Variants in CLVS1 observed in about 807,000 individuals in gnomAD.
The protein encoded by CLVS1 is clavesin 1, also known as clavesin-1.
Under a neutral mutation model 33.1 loss-of-function variants are expected in CLVS1, and 10 were observed. That is an observed-to-expected ratio of 0.30 (90% confidence interval 0.19 to 0.51). The LOEUF (loss-of-function observed/expected upper bound fraction) is 0.51, where lower values mean the gene tolerates loss of function less well. Among genes scored for constraint, CLVS1 ranks in the 20% least tolerant of loss-of-function variants. The pLI, the probability that CLVS1 is intolerant of heterozygous loss-of-function variation, is 0.97. For missense variants in CLVS1, 343 were observed against 433.4 expected (o/e 0.79, Z 1.85); for synonymous variants, 163 against 166.1 (o/e 0.98, Z 0.14).
chr8:61,472,554 T>C (rs1014690584), intron 5 of CLVS1, among the ~76,000 whole-genome samples: 8 of 152,224 alleles, frequency 5.3e-5, no homozygotes, highest in East Asian at 1.9e-4. Context: ...CAATGTTTCA[T>C]TAGAATTTGA....
Position 61,499,718 on chromosome 8 carries a change from C to CAA in CLVS1, c.*178_*179dup, listed in dbSNP as rs1804496195. 8 of 438,750 alleles carry CAA rather than the reference C, an allele frequency of 1.8e-5. No individual in the cohort carries two copies. The South Asian group carries it at 4.7e-4, about 26-fold the overall frequency. 27.2% of individuals were successfully genotyped at this position (438,750 alleles called of 1,614,324 possible). A position where few individuals can be genotyped will look rare whatever the true frequency, so the allele number is the denominator to read the frequency against. On this transcript the variant is annotated 3_prime_UTR_variant, in exon 6 of 6. Transcript: ENST00000325897. Reference sequence around the variant, plus strand: ...ATCGGTCTGAGCAGCCAAAGTTGGACAAAGACTTGAGAGATGCTTTTTTTT... The same window carrying CAA: ...ATCGGTCTGAGCAGCCAAAGTTGGACAAAAAGACTTGAGAGATGCTTTTTTTT...
intron 2 of CLVS1, chr8:61,202,785 C>T (rs1036691478): frequency 1.2e-5 from 18 of 1,485,762 alleles, no homozygotes; most frequent in Admixed American, 1.0e-4. Context: ...GATCTGCCCT[C>T]GGAGGTAGTA....
At chr8:61,461,703 T>C (rs1264979132) in intron 5 of CLVS1, among the ~76,000 whole-genome samples, 1 of 152,208 alleles carries the variant, frequency 6.6e-6, no homozygotes. Context: ...GTCTTTGGTA[T>C]ACCTCCTTCA....
chr8:61,036,840 T>C, the CLVS1 span, among the ~76,000 whole-genome samples: 1 of 152,238 alleles, frequency 6.6e-6, no homozygotes, highest in African/African-American at 2.4e-5. Flanking sequence ...AAGTACAAGA[T>C]ACAAGAATTT....
the CLVS1 span, among the ~76,000 whole-genome samples, chr8:60,974,786 A>G: frequency 6.6e-6 from 1 of 152,178 alleles, no homozygotes; most frequent in Non-Finnish European, 1.5e-5. Context: ...CTCAAAAAAA[A>G]AAAAAAAGAA....
intron 1 of CLVS1, among the ~76,000 whole-genome samples, chr8:61,087,854 A>G (rs1465535232): frequency 1.3e-5 from 2 of 152,148 alleles, no homozygotes. Flanking sequence ...TATTTAATAA[A>G]CCCCATGAAT....
chr8:61,181,720 G>T (rs13257974), intron 2 of CLVS1, among the ~76,000 whole-genome samples: 65,849 of 121,202 alleles, frequency 0.54, 18,121 homozygotes, highest in Middle Eastern at 0.75. Context: ...TTTTTTTTGA[G>T]ATGGAGTCTC....
At chr8:61,425,059 T>C (rs899819570) in intron 3 of CLVS1, among the ~76,000 whole-genome samples, 1 of 152,158 alleles carries the variant, frequency 6.6e-6, no homozygotes, top group Non-Finnish European at 1.5e-5. Flanking sequence ...AGATTTGAAA[T>C]CTGCAACACT....
intron 5 of CLVS1, among the ~76,000 whole-genome samples, chr8:61,462,292 GT>G (rs957214537): frequency 6.6e-6 from 1 of 152,188 alleles, no homozygotes; most frequent in Non-Finnish European, 1.5e-5. Context: ...TTTCCAAGAA[GT>G]TTTCAATTTA....
At chr8:60,976,195 G>T in the CLVS1 span, among the ~76,000 whole-genome samples, 1 of 151,904 alleles carries the variant, frequency 6.6e-6, no homozygotes, top group East Asian at 1.9e-4. Context: ...GAATATCTGT[G>T]ACTTAAAGAT....
At chr8:61,406,868 C>T (rs556525891) in intron 3 of CLVS1, among the ~76,000 whole-genome samples, 2 of 152,302 alleles carry the variant, frequency 1.3e-5, no homozygotes, top group East Asian at 1.9e-4. Flanking sequence ...CTCAACCTCC[C>T]AAAGTGCTGG....
At chr8:61,393,982 C>G (rs1186108942) in intron 3 of CLVS1, among the ~76,000 whole-genome samples, 1 of 152,218 alleles carries the variant, frequency 6.6e-6, no homozygotes, top group African/African-American at 2.4e-5. Context: ...TGCATTCCCA[C>G]TGGTACCTCA....
At chr8:61,378,423 A>T (rs1340439442) in intron 3 of CLVS1, 1 of 152,204 alleles carries the variant, frequency 6.6e-6, no homozygotes, top group East Asian at 1.9e-4. Flanking sequence ...TTAAAAGGTA[A>T]TGCTATATAT....
chr8:61,456,199 CCTT>C (rs972444027), intron 4 of CLVS1, among the ~76,000 whole-genome samples: 4 of 152,162 alleles, frequency 2.6e-5, no homozygotes, highest in South Asian at 2.1e-4. Flanking sequence ...CCAGCCTCCT[CCTT>C]CTGCATTCCT....
At chr8:61,330,099 C>T (rs1811537323) in intron 2 of CLVS1, among the ~76,000 whole-genome samples, 1 of 152,116 alleles carries the variant, frequency 6.6e-6, no homozygotes, top group Admixed American at 6.5e-5. Flanking sequence ...CCCCAGAATT[C>T]CCTGCCCAGA....
chr8:61,490,961 CAA>C (rs111874903), intron 5 of CLVS1, among the ~76,000 whole-genome samples: 1 of 123,054 alleles, frequency 8.1e-6, no homozygotes. Flanking sequence ...ACTCCATCTC[CAA>C]AAAAAAAAAG....
At chr8:61,048,720 T>C in the CLVS1 span, among the ~76,000 whole-genome samples, 3 of 152,166 alleles carry the variant, frequency 2.0e-5, no homozygotes, top group Admixed American at 6.5e-5. Flanking sequence ...GTTCTGTTTA[T>C]GCTATGGAGC....
the CLVS1 span, among the ~76,000 whole-genome samples, chr8:60,984,035 C>A: frequency 2.0e-4 from 31 of 152,194 alleles, no homozygotes; most frequent in African/African-American, 7.5e-4. Flanking sequence ...GGGTTGGCTG[C>A]AGCCCCAGCC....
the CLVS1 span, among the ~76,000 whole-genome samples, chr8:60,985,266 C>T: frequency 2.0e-5 from 3 of 152,332 alleles, no homozygotes; most frequent in African/African-American, 7.2e-5. Flanking sequence ...TGTGAGTCCC[C>T]AGCTTCTGTG....
Sources: gnomAD v4.1 joint callset for allele counts (sites outside exome capture counted in the v4.1 genomes callset) on GRCh38, gnomAD v4.1.1 for gene constraint, MANE v1.5 for transcripts, NCBI Gene and HGNC (gene_info 2026-07-23, HGNC 2026-07-21) for gene names.